The following BAIAP2L2 variants were observed in gnomAD, a reference collection of about 807,000 sequenced individuals.
The protein encoded by BAIAP2L2 is BAR/IMD domain containing adaptor protein 2 like 2, also known as BAR/IMD domain-containing adapter protein 2-like 2.
In BAIAP2L2, 65 loss-of-function variants were observed where a neutral mutation model predicts 60.4. That is an observed-to-expected ratio of 1.08 (90% confidence interval 0.88 to 1.32). The LOEUF (loss-of-function observed/expected upper bound fraction) is 1.32. Ranked by LOEUF, BAIAP2L2 falls within the 40% of genes most tolerant of loss-of-function variation. BAIAP2L2 has a pLI of 0.00. For synonymous variants in BAIAP2L2, 344 were observed against 301.7 expected, an observed-to-expected ratio of 1.14 and a Z score of -1.45; for missense variants, 836 against 741.2, an observed-to-expected ratio of 1.13 and a Z score of -1.48.
chr22:38,109,169 C>T lies in BAIAP2L2; in HGVS notation c.91G>A (p.Val31Met), dbSNP rs1569232907. 2 of 1,613,138 alleles carry T rather than the reference C, an allele frequency of 1.2e-6. No homozygotes were observed. Among genetic ancestry groups the T allele is most frequent in the Non-Finnish European group, 8.5e-7 (1 of 1,179,694 alleles). The change falls in exon 2 of 14, where the codon GTG becomes ATG. Residue 31 changes from valine to methionine, a missense_variant. Val to Met is a conservative substitution (Grantham distance 21). Transcript: ENST00000381669. ...CGCAGGTAGTTGTTGCCCAGGTACA[C>T]CAGGTTCTCCAGGGCGGGGTTAAAC... ...EQFNPALENLVYLGNNYLRAF... is the reference protein window; with the variant it reads ...EQFNPALENLMYLGNNYLRAF...
At chr22:38,108,964 G>T (rs572077559) in intron 2 of BAIAP2L2, among the ~76,000 whole-genome samples, 169 bp downstream of exon 2, 3 of 151,786 alleles carry the variant, frequency 2.0e-5, no homozygotes, top group African/African-American at 7.3e-5. Context: ...GAGAGTGGGG[G>T]TGCATAAGGC....
chr22:38,088,609 CG>C, intron 10 of BAIAP2L2, 138 bp downstream of exon 10: 1 of 812,134 alleles, frequency 1.2e-6, no homozygotes, highest in Non-Finnish European at 1.8e-6. Flanking sequence ...AGGCAGGGTG[CG>C]GGGGTCGGGA....
intron 4 of BAIAP2L2, among the ~76,000 whole-genome samples, chr22:38,100,217 C>T (rs575916061): frequency 4.6e-5 from 7 of 152,286 alleles, no homozygotes; most frequent in African/African-American, 1.7e-4. Context: ...GCCTTCCCGA[C>T]CCTGCGCTAG....
intron 1 of BAIAP2L2, among the ~76,000 whole-genome samples, chr22:38,109,973 G>A (rs569953455): frequency 1.3e-5 from 2 of 148,186 alleles, no homozygotes; most frequent in Admixed American, 6.8e-5. Context: ...TGTCTGTGGC[G>A]GCTGCAACAA....
chr22:38,095,643 G>C (rs1171136562), intron 7 of BAIAP2L2, among the ~76,000 whole-genome samples: 1 of 152,182 alleles, frequency 6.6e-6, no homozygotes, highest in Non-Finnish European at 1.5e-5. Flanking sequence ...GGGGTTACTG[G>C]TGTGAGCCAC....
intron 4 of BAIAP2L2, among the ~76,000 whole-genome samples, chr22:38,105,244 C>G (rs755262342): frequency 6.6e-6 from 1 of 152,006 alleles, no homozygotes. Flanking sequence ...CTGCAGCCTT[C>G]GGTCTTTCCA....
At position 38,103,333 on chromosome 22, in the gene BAIAP2L2, T is replaced by C. The variant is rs574989820; in HGVS notation, c.276+4519A>G. Among the ~76,000 whole-genome samples the C allele has an allele frequency of 6.6e-5, 10 of 152,306 alleles. 1 individual carries two copies. The highest frequency in any genetic ancestry group is 2.4e-4 in the African/African-American group (10 of 41,568). The stretch of plus-strand genomic sequence containing the variant: ...CACACACATTGCATATAAATATGTA[T>C]CCATCTATGCGTTGCACAGCCACCA... On this transcript the variant is annotated intron_variant, in intron 4 of 13. Transcript: ENST00000381669.
chr22:38,110,120 GGAGAGA>G (rs1202491630), intron 1 of BAIAP2L2, among the ~76,000 whole-genome samples: 6 of 18,884 alleles, frequency 3.2e-4, no homozygotes, highest in East Asian at 1.3e-3. Flanking sequence ...AGAGAGAGAG[GGAGAGA>G]GAGAGAGAGA....
chr22:38,085,772 G>A, intron 12 of BAIAP2L2, 40 bp from the exon 13 acceptor site: 4 of 1,539,112 alleles, frequency 2.6e-6, no homozygotes, highest in Admixed American at 1.9e-5. Flanking sequence ...GGTGGGGAGA[G>A]GGGCAAGCAA....
chr22:38,107,885 G>T lies in BAIAP2L2; in HGVS notation c.243C>A (p.Thr81=). ...CCAGGTCAGAGTTCAAGTGCCGCTG[G>T]GTGTCAGACATCTGCACCAAGATCT... The part of the protein sequence containing the change: ...LGEILVQMSD[T]QRHLNSDLEV... The change falls in exon 4 of 14, where the codon ACC becomes ACA. Residue 81 remains threonine, a synonymous_variant. Transcript: ENST00000381669. The T allele has an allele frequency of 6.2e-7, 1 of 1,613,536 alleles. No homozygotes were observed. The highest frequency in any genetic ancestry group is 8.5e-7 in the Non-Finnish European group (1 of 1,179,954).
chr22:38,105,828 C>T (rs1020292302), intron 4 of BAIAP2L2, among the ~76,000 whole-genome samples: 2 of 152,130 alleles, frequency 1.3e-5, no homozygotes, highest in Admixed American at 6.5e-5. Context: ...GCTGTATTCC[C>T]GCGGCCTACC....
chr22:38,087,168 C>G lies in BAIAP2L2; in HGVS notation c.1215G>C (p.Met405Ile). Residue 405 changes from methionine to isoleucine, a missense_variant, in exon 11 of 14, where the codon ATG (methionine) becomes ATC (isoleucine). Coordinates refer to ENST00000381669, the MANE Select transcript of BAIAP2L2 (RefSeq NM_025045.6). ...PVTPMTSMTS[M>I]SPMTPMNPGN... Reference sequence around the variant, plus strand: ...CGGGGTTCATGGGTGTCATGGGGGACATGGAGGTCATGGAGGTCATGGGGG... The same window carrying G: ...CGGGGTTCATGGGTGTCATGGGGGAGATGGAGGTCATGGAGGTCATGGGGG... The G allele has an allele frequency of 1.9e-6, 3 of 1,581,990 alleles. No homozygotes were observed. Among genetic ancestry groups the G allele is most frequent in the Non-Finnish European group, 2.6e-6 (3 of 1,165,412 alleles).
At chr22:38,101,829 G>C (rs1239274587) in intron 4 of BAIAP2L2, among the ~76,000 whole-genome samples, 1 of 152,126 alleles carries the variant, frequency 6.6e-6, no homozygotes, top group Non-Finnish European at 1.5e-5. Flanking sequence ...ACTCCAGCCT[G>C]GGTGACAGAG....
At chr22:38,098,040 C>A in intron 6 of BAIAP2L2, 23 bp downstream of exon 6, 1 of 1,093,302 alleles carries the variant, frequency 9.1e-7, no homozygotes, top group Non-Finnish European at 1.3e-6. Flanking sequence ...TCCTGGCCCA[C>A]CCCCGCTTCC....
intron 4 of BAIAP2L2, among the ~76,000 whole-genome samples, chr22:38,098,701 C>T (rs1413344355): frequency 3.3e-5 from 5 of 152,178 alleles, no homozygotes; most frequent in African/African-American, 1.2e-4. Flanking sequence ...TGCCTGGAAA[C>T]GAACCCTTGA....
rs767211106 is a variant in BAIAP2L2 at position 38,087,218 on chromosome 22, GC to G, written c.1164del (p.Val390Ter). 3.7e-6 allele frequency: 6 copies of G among 1,605,690 alleles called. No homozygotes were observed. The highest frequency in any genetic ancestry group is 3.3e-5 in the South Asian group (3 of 90,124). On this transcript the variant is annotated frameshift_variant, in exon 11 of 14. Coordinates refer to ENST00000381669, the MANE Select transcript of BAIAP2L2 (RefSeq NM_025045.6). LOFTEE classifies it high-confidence loss of function. ...GTCACGGGGGTCATGGGATTCACGG[GC>G]CCCTCCTCCAGAGCCTTCACGTACG... is the stretch of plus-strand genomic sequence containing the variant. ...PEAYVKALEEGPVNPMTPVTP... is the reference protein window; with the variant it reads ...PEAYVKALEEXPVNPMTPVTP...
At chr22:38,096,945 A>C in intron 7 of BAIAP2L2, 87 bp downstream of exon 7, 2 of 1,429,856 alleles carry the variant, frequency 1.4e-6, no homozygotes, top group Non-Finnish European at 1.9e-6. Flanking sequence ...GGAAGAGGGA[A>C]GAAGGGAGGG....
At chr22:38,085,957 C>T (rs184097261) in intron 12 of BAIAP2L2, among the ~76,000 whole-genome samples, 130 of 152,348 alleles carry the variant, frequency 8.5e-4, no homozygotes, top group South Asian at 2.7e-3. Context: ...GGACTAACCA[C>T]GCCCCCAGGA....
At chr22:38,098,901 G>A (rs944147463) in intron 4 of BAIAP2L2, among the ~76,000 whole-genome samples, 12 of 152,012 alleles carry the variant, frequency 7.9e-5, no homozygotes, top group East Asian at 3.9e-4. Flanking sequence ...TTGTTCCTTC[G>A]TTGTCCATTC....
Sources: allele counts gnomAD v4.1 joint callset (sites outside exome capture counted in the v4.1 genomes callset), GRCh38; gene constraint gnomAD v4.1.1; transcripts MANE v1.5; gene names NCBI Gene and HGNC (gene_info 2026-07-23, HGNC 2026-07-21).